The following FAM120B variants were observed in gnomAD, a reference collection of about 807,000 sequenced individuals.
FAM120B encodes constitutive coactivator of peroxisome proliferator-activated receptor gamma.
A neutral mutation model predicts 96.3 loss-of-function variants in FAM120B; 83 were observed. The observed-to-expected ratio is 0.86, with a 90% CI of 0.72 to 1.03. FAM120B has a LOEUF of 1.03. FAM120B is among the 50% of genes least tolerant of loss of function. The pLI, the probability that FAM120B is intolerant of heterozygous loss-of-function variation, is 0.00. For synonymous variants in FAM120B, 407 were observed against 402.7 expected (o/e 1.01, Z -0.13); for missense variants, 1,027 against 1,121.2 (o/e 0.92, Z 1.20).
At chr6:170,385,660 C>T (rs1257190843) in intron 6 of FAM120B, among the ~76,000 whole-genome samples, 2 of 152,184 alleles carry the variant, frequency 1.3e-5, no homozygotes, top group Admixed American at 6.5e-5. Flanking sequence ...CTTGCTGCAG[C>T]CACACCACAA....
chr6:170,295,068 G>A (rs530734739), upstream of FAM120B, among the ~76,000 whole-genome samples: 2 of 152,340 alleles, frequency 1.3e-5, no homozygotes, highest in African/African-American at 4.8e-5. This position sits in a 1 kb window ranked among gnomAD's most constrained non-coding sequence, Gnocchi z 7.8. Context: ...TTCTCCTTCC[G>A]TCAGTTTTGG....
At chr6:170,395,405 G>A (rs1790675785) in intron 8 of FAM120B, 82 bp from the exon 9 acceptor site, 1 of 1,126,242 alleles carries the variant, frequency 8.9e-7, no homozygotes, top group Non-Finnish European at 1.3e-6. Context: ...ACCTGGTGCT[G>A]CCTTGCCACC....
At chr6:170,346,204 A>C (rs9460120) in intron 4 of FAM120B, among the ~76,000 whole-genome samples, 39,791 of 151,698 alleles carry the variant, frequency 0.26, 6,722 homozygotes, top group Middle Eastern at 0.37. Context: ...TTTTTGTATT[A>C]AATTTTCATG....
At chr6:170,341,104 C>G (rs1786792824) in intron 4 of FAM120B, among the ~76,000 whole-genome samples, 1 of 152,262 alleles carries the variant, frequency 6.6e-6, no homozygotes, top group Non-Finnish European at 1.5e-5. Context: ...GCTGCACCCA[C>G]AGCAGCCCCC....
rs55983019 is a variant in FAM120B at position 170,361,235 on chromosome 6, TAC to T, written c.2283+2920_2283+2921del. Reference sequence around the variant, plus strand: ...ATATATATATATATATATATATATATACACGTATATATATATATACGTGTATA... The same window carrying T: ...ATATATATATATATATATATATATATACGTATATATATATATACGTGTATA... On this transcript the variant is annotated intron_variant, in intron 6 of 10. Transcript: ENST00000476287. Among the ~76,000 whole-genome samples the T allele has an allele frequency of 9.3e-3, 835 of 89,958 alleles. 27 individuals are homozygous for T. The East Asian group carries it at 0.1, about 11-fold the overall frequency. 59.0% of individuals were successfully genotyped at this position (89,958 alleles called of 152,430 possible).
chr6:170,341,921 C>T lies in FAM120B; in HGVS notation c.2018-6230C>T, dbSNP rs2092777. On this transcript the variant is annotated intron_variant, in intron 4 of 10. Coordinates refer to ENST00000476287, the MANE Select transcript of FAM120B (RefSeq NM_032448.3). ...GAGCTGCAGACCAGAGCTGTTCTTA[C>T]TTGGCCATCTTGCCAGATCTCCAGT... Among the ~76,000 whole-genome samples, 1,553 of 152,346 alleles carry T rather than the reference C, an allele frequency of 0.01. 67 individuals carry two copies. The East Asian group carries it at 0.11, about 10-fold the overall frequency.
intron 6 of FAM120B, among the ~76,000 whole-genome samples, chr6:170,369,754 G>A (rs561530179): frequency 6.7e-6 from 1 of 150,250 alleles, no homozygotes; most frequent in Non-Finnish European, 1.5e-5. Flanking sequence ...CTCTTGTCCT[G>A]GAGAATCTTA....
Position 170,315,040 on chromosome 6 carries a change from G to A in FAM120B, c.-21-2330G>A, listed in dbSNP as rs142861050. Among the ~76,000 whole-genome samples, 29 of 152,342 alleles carry A rather than the reference G, an allele frequency of 1.9e-4. 1 individual carries two copies. The Middle Eastern group carries it at 0.014, about 71-fold the overall frequency. On this transcript the variant is annotated intron_variant, in intron 1 of 10. Transcript: ENST00000476287. ...GGCGTGCGGTGAACCCTAGGGCCTG[G>A]CTTGCAGTCAGGTTCAGTCCTCTGC...
At chr6:170,392,715 T>C (rs1009450924) in intron 8 of FAM120B, among the ~76,000 whole-genome samples, 2 of 152,142 alleles carry the variant, frequency 1.3e-5, no homozygotes, top group African/African-American at 4.8e-5. Flanking sequence ...GCCTTGCAAA[T>C]ACCATTCTCA....
upstream of FAM120B, chr6:170,290,723 G>A: frequency 2.8e-6 from 1 of 356,404 alleles, no homozygotes; most frequent in Non-Finnish European, 5.1e-6. This position sits in a 1 kb window ranked among gnomAD's most constrained non-coding sequence, Gnocchi z 4.7. Context: ...GGCGGCGGTC[G>A]TTCCGGGAGC....
Position 170,348,298 on chromosome 6 carries a change from G to T in FAM120B, c.2165G>T (p.Cys722Phe). The stretch of plus-strand genomic sequence containing the variant: ...GAAAGCCCATTTCAAGCTTTGTGCT[G>T]CCTCTTGATCTACCTCTTTGTCCAG... The part of the protein sequence containing the change: ...AVESPFQALC[C>F]LLIYLFVQVD... The change falls in exon 5 of 11, where the codon TGC (cysteine) becomes TTC (phenylalanine). Residue 722 changes from cysteine (C) to phenylalanine (F), a missense_variant. Physicochemically the swap from Cys to Phe is radical, Grantham distance 205 (BLOSUM62 -2). This residue lies in a region of FAM120B where 880 missense variants were observed against 980.9 expected (regional missense o/e 0.90). Transcript: ENST00000476287. 2 of 1,613,310 alleles carry T rather than the reference G, an allele frequency of 1.2e-6. No individual in the cohort carries two copies. Among genetic ancestry groups the T allele is most frequent in the Non-Finnish European group, 1.7e-6 (2 of 1,179,832 alleles).
chr6:170,340,161 C>G (rs1386944035), intron 4 of FAM120B, among the ~76,000 whole-genome samples: 2 of 152,176 alleles, frequency 1.3e-5, no homozygotes, highest in Non-Finnish European at 2.9e-5. Context: ...CACATAGTCC[C>G]ATATTTCTTG....
intron 5 of FAM120B, among the ~76,000 whole-genome samples, chr6:170,349,284 T>C (rs1414798623): frequency 2.0e-5 from 3 of 152,202 alleles, no homozygotes; most frequent in Non-Finnish European, 4.4e-5. Context: ...TTCTCTGACC[T>C]CCCTATATGG....
chr6:170,317,686 A>G lies in FAM120B; in HGVS notation c.296A>G (p.Asp99Gly), dbSNP rs778762247. Residue 99 changes from aspartate to glycine, a missense_variant, in exon 2 of 11, where the codon GAT (aspartate) becomes GGT (glycine). By Grantham distance (94) the Asp-to-Gly change is moderately conservative. Transcript: ENST00000476287. ...FDGMVEQDKR[D>G]EWVKRRLKNN... is the part of the protein sequence containing the mutation. ...GGCATGGTGGAGCAGGATAAGAGAG[A>G]TGAATGGGTGAAACGAAGGCTCAAG... is the stretch of plus-strand genomic sequence containing the variant. The G allele has an allele frequency of 8.1e-6, 13 of 1,614,070 alleles. No homozygotes were observed. The highest frequency in any genetic ancestry group is 1.1e-5 in the Non-Finnish European group (13 of 1,180,040).
rs147575687 is a variant in FAM120B at position 170,328,572 on chromosome 6, A to G, written c.1916-1877A>G. On this transcript the variant is annotated intron_variant, in intron 3 of 10. Transcript: ENST00000476287. ...CTTTTCTCCTCTAGCTGTCTTTGCAATTCCTCTCCTGTTTGCTGGATTTTG... is the reference window on the plus strand; with the variant it reads ...CTTTTCTCCTCTAGCTGTCTTTGCAGTTCCTCTCCTGTTTGCTGGATTTTG... Among the ~76,000 whole-genome samples, 176 of 152,092 alleles carry G rather than the reference A, an allele frequency of 1.2e-3. 1 individual carries two copies. Among genetic ancestry groups the G allele is most frequent in the East Asian group, 6.8e-3 (35 of 5,166 alleles).
chr6:170,297,887 C>CT (rs948953658), intron 1 of FAM120B: 1 of 152,228 alleles, frequency 6.6e-6, no homozygotes, highest in African/African-American at 2.4e-5. Flanking sequence ...TCCCATTTAT[C>CT]TTTTTGTTTA....
chr6:170,319,539 A>G (rs1785154894), intron 2 of FAM120B, among the ~76,000 whole-genome samples: 1 of 152,158 alleles, frequency 6.6e-6, no homozygotes, highest in Non-Finnish European at 1.5e-5. Context: ...ATGGTGGCGC[A>G]CACATGTGAT....
rs1184044000 is a variant in FAM120B, at chr6:170,405,729, G to C, written c.*978G>C. ...TCTTTCTGGTGGAAGAGTTAATTCT[G>C]CCTGGAGGGTTCTGCCTGGGAGACA... On this transcript the variant is annotated 3_prime_UTR_variant, in exon 11 of 11. Coordinates refer to ENST00000476287, the MANE Select transcript of FAM120B (RefSeq NM_032448.3). 1 of 152,234 alleles carries C rather than the reference G, an allele frequency of 6.6e-6. No homozygotes were observed. Among genetic ancestry groups the C allele is most frequent in the Non-Finnish European group, 1.5e-5 (1 of 68,050 alleles). The allele number at this position is 152,234 out of a possible 1,614,324, so 9.4% of individuals were successfully genotyped here. A position where few individuals can be genotyped will look rare whatever the true frequency, so the allele number is the denominator to read the frequency against.
upstream of FAM120B, among the ~76,000 whole-genome samples, chr6:170,293,734 CCTTCTTCTCCTT>C (rs1783936393): frequency 6.6e-6 from 1 of 151,506 alleles, no homozygotes; most frequent in South Asian, 2.1e-4. Flanking sequence ...TCCTTCTCCT[CCTTCTTCTCCTT>C]CTTCCTCTCC....
Sources: allele counts gnomAD v4.1 joint callset (sites outside exome capture counted in the v4.1 genomes callset), GRCh38; gene constraint gnomAD v4.1.1; regional missense constraint gnomAD v4.1.1; non-coding constraint Gnocchi (gnomAD v3.1); transcripts MANE v1.5; gene names NCBI Gene and HGNC (gene_info 2026-07-23, HGNC 2026-07-21).